CHD6: variants seen among roughly 807,000 people sequenced by gnomAD.
CHD6 encodes the protein chromodomain helicase DNA binding protein 6, also known as ATP-dependent chromatin remodeler CHD6.
CHD6 carries 50 observed loss-of-function variants against 276.9 expected under a neutral mutation model. That is an observed-to-expected ratio of 0.18 (90% CI 0.14 to 0.23). The LOEUF is 0.23. Among genes scored for constraint, CHD6 ranks in the 10% least tolerant of loss-of-function variants. CHD6 has a pLI of 1.00. For synonymous variants in CHD6, 1,173 were observed against 1,229.3 expected, an observed-to-expected ratio of 0.95 and a Z score of 0.96; for missense variants, 2,564 against 3,365.8, an observed-to-expected ratio of 0.76 and a Z score of 5.89.
intron 27 of CHD6, among the ~76,000 whole-genome samples, chr20:41,432,985 A>AAAC (rs1449183265): frequency 6.6e-6 from 1 of 152,204 alleles, no homozygotes; most frequent in Non-Finnish European, 1.5e-5. Flanking sequence ...TGAAAACCCA[A>AAAC]AACCCTCAGG....
At chr20:41,417,547 C>G (rs2047040754) in intron 31 of CHD6, among the ~76,000 whole-genome samples, 198 bp from the exon 32 acceptor site, 1 of 152,218 alleles carries the variant, frequency 6.6e-6, no homozygotes, top group African/African-American at 2.4e-5. Context: ...AAATCCTGCT[C>G]TGGGGCTCCC....
At chr20:41,490,214 A>C (rs1186514518) in intron 11 of CHD6, among the ~76,000 whole-genome samples, 193 bp from the exon 12 acceptor site, 1 of 152,166 alleles carries the variant, frequency 6.6e-6, no homozygotes, top group Non-Finnish European at 1.5e-5. Flanking sequence ...GAACCATGCT[A>C]ATTTGGGAGA....
chr20:41,566,855 T>TCAA lies in CHD6; in HGVS notation c.-23-15496_-23-15495insTTG, dbSNP rs1386286627. 3.3e-5 allele frequency among the ~76,000 whole-genome samples: 5 copies of TCAA among 152,274 alleles called. No homozygotes were observed. In the South Asian group the frequency reaches 1.0e-3, roughly 32 times the overall value. On this transcript the variant is annotated intron_variant, in intron 1 of 36. Transcript: ENST00000373233. ...CCAGTGTTAGGTGTACTGTGCTTGG[T>TCAA]CATCCCTATAATCCTGTGTCAGGAA...
intron 2 of CHD6, among the ~76,000 whole-genome samples, chr20:41,550,263 T>TA (rs1275966332): frequency 6.6e-6 from 1 of 152,200 alleles, no homozygotes; most frequent in African/African-American, 2.4e-5. Flanking sequence ...CACACCTGAG[T>TA]ATATCCACAG....
chr20:41,434,400 T>C (rs2047639937), intron 27 of CHD6, among the ~76,000 whole-genome samples: 1 of 152,200 alleles, frequency 6.6e-6, no homozygotes, highest in Non-Finnish European at 1.5e-5. Context: ...AGACAGAATC[T>C]CGCTCTGCTG....
chr20:41,493,179 G>C (rs562471777), intron 10 of CHD6, among the ~76,000 whole-genome samples: 1 of 152,204 alleles, frequency 6.6e-6, no homozygotes, highest in Non-Finnish European at 1.5e-5. Flanking sequence ...AAAAGAGGTA[G>C]CTGATGAAGA....
At position 41,416,576 on chromosome 20, in the gene CHD6, T is replaced by C. The variant is rs765544869; in HGVS notation, c.6486+12A>G. The C allele has an allele frequency of 5.6e-6, 9 of 1,606,932 alleles. No homozygotes were observed. The South Asian group carries it at 1.0e-4, about 18-fold the overall frequency. ...TCTTTGTTTTGTGGTCACTCCATTC[T>C]TGCCGGCTCACCTTGTGGATCTGGG... On this transcript the variant is annotated intron_variant, in intron 33 of 36. Transcript: ENST00000373233.
At chr20:41,563,433 A>G (rs1389336892) in intron 1 of CHD6, among the ~76,000 whole-genome samples, 2 of 152,204 alleles carry the variant, frequency 1.3e-5, no homozygotes, top group African/African-American at 2.4e-5. Flanking sequence ...GAAGCTTTCT[A>G]TAGTCCAGAA....
At chr20:41,423,435 G>C (rs2047260175) in intron 30 of CHD6, 57 bp downstream of exon 30, 1 of 1,527,284 alleles carries the variant, frequency 6.5e-7, no homozygotes, top group Non-Finnish European at 9.1e-7. Flanking sequence ...TCTGCAATTT[G>C]AAAATCAGAA....
At chr20:41,486,283 T>C (rs2043412697) in intron 14 of CHD6, 1 of 152,180 alleles carries the variant, frequency 6.6e-6, no homozygotes, top group African/African-American at 2.4e-5. Flanking sequence ...TGCTGGTCAA[T>C]ACAACAAACA....
chr20:41,536,891 T>C (rs1333894486), intron 2 of CHD6, among the ~76,000 whole-genome samples: 1 of 152,190 alleles, frequency 6.6e-6, no homozygotes, highest in Non-Finnish European at 1.5e-5. Flanking sequence ...CTCTTATTCA[T>C]ATAAACAGTA....
rs185197996 is a variant in CHD6 at position 41,562,649 on chromosome 20, C to G, written c.-23-11289G>C. ...TGTATAGGTAAATTTCTGATGTTCTCTACTACAGGCTAGAGAAAACCTATC... is the reference window on the plus strand; with the variant it reads ...TGTATAGGTAAATTTCTGATGTTCTGTACTACAGGCTAGAGAAAACCTATC... On this transcript the variant is annotated intron_variant, in intron 1 of 36. Transcript: ENST00000373233. 2.0e-5 allele frequency among the ~76,000 whole-genome samples: 3 copies of G among 152,254 alleles called. No individual in the cohort carries two copies. In the East Asian group the frequency reaches 5.8e-4, roughly 29 times the overall value.
intron 20 of CHD6, among the ~76,000 whole-genome samples, chr20:41,453,207 GGT>G (rs776111031): frequency 2.6e-5 from 4 of 151,944 alleles, no homozygotes; most frequent in African/African-American, 7.3e-5. Flanking sequence ...TTCTACCCGG[GGT>G]GTGGGCAGGC....
chr20:41,435,842 T>A (rs2047690916), intron 27 of CHD6, among the ~76,000 whole-genome samples: 2 of 152,186 alleles, frequency 1.3e-5, no homozygotes, highest in Admixed American at 6.5e-5. Context: ...GGTATCTATC[T>A]ATCAAATTTT....
rs2043370559 is a variant in CHD6 at position 41,484,681 on chromosome 20, C to T, written c.2002-74G>A. 6.0e-6 allele frequency: 9 copies of T among 1,492,722 alleles called. No homozygotes were observed. The East Asian group carries it at 2.0e-4, about 34-fold the overall frequency. The allele number at this position is 1,492,722 out of a possible 1,614,324, so 92.5% of individuals were successfully genotyped here. On this transcript the variant is annotated intron_variant, in intron 14 of 36. Transcript: ENST00000373233. The stretch of plus-strand genomic sequence containing the variant: ...GATTACTGGGGTATTCCAACCTTCA[C>T]TCTAATTTCTTGAACATTTACCCAT...
intron 27 of CHD6, among the ~76,000 whole-genome samples, chr20:41,428,684 C>A (rs2047440446): frequency 6.6e-6 from 1 of 152,130 alleles, no homozygotes. Flanking sequence ...AGGTGGAAAG[C>A]AGATATACCT....
At chr20:41,490,947 T>G (rs773134642) in intron 11 of CHD6, among the ~76,000 whole-genome samples, 10 of 151,744 alleles carry the variant, frequency 6.6e-5, no homozygotes, top group Admixed American at 1.3e-4. Context: ...AACTAAAAAA[T>G]AAACATTAAA....
intron 1 of CHD6, among the ~76,000 whole-genome samples, chr20:41,578,820 G>C (rs1280910462): frequency 1.3e-5 from 2 of 151,720 alleles, no homozygotes; most frequent in South Asian, 4.2e-4. Flanking sequence ...CTTGAGCCCA[G>C]GAGCTGGATA....
chr20:41,592,914 G>T (rs1195125574), intron 1 of CHD6, among the ~76,000 whole-genome samples: 1 of 152,058 alleles, frequency 6.6e-6, no homozygotes. Context: ...AAGATTTCCA[G>T]TTCTCAGGTA....
Sources: allele counts gnomAD v4.1 joint callset (sites outside exome capture counted in the v4.1 genomes callset), GRCh38; gene constraint gnomAD v4.1.1; transcripts MANE v1.5; gene names NCBI Gene and HGNC (gene_info 2026-07-23, HGNC 2026-07-21).